Variants in RBFOX1 observed in about 807,000 individuals in gnomAD.
RBFOX1 encodes RNA binding protein fox-1 homolog 1.
Under a neutral mutation model 57.7 loss-of-function variants are expected in RBFOX1, and 8 were observed. That is an observed-to-expected ratio of 0.14 (90% confidence interval 0.08 to 0.25). The LOEUF (loss-of-function observed/expected upper bound fraction) is 0.25, where lower values mean the gene tolerates loss of function less well. Among genes scored for constraint, RBFOX1 ranks in the 10% least tolerant of loss-of-function variants. The pLI is 1.00. For synonymous variants in RBFOX1, 326 were observed against 222.4 expected (o/e 1.47, Z -4.15); for missense variants, 611 against 548.5 (o/e 1.11, Z -1.14).
intron 3 of RBFOX1, among the ~76,000 whole-genome samples, chr16:6,947,798 A>G (rs2079860180): frequency 6.6e-6 from 1 of 151,932 alleles, no homozygotes; most frequent in African/African-American, 2.4e-5. Flanking sequence ...TTTTTTGGAG[A>G]TGGAGTCTTG....
At chr16:6,972,248 C>G (rs571774048) in intron 3 of RBFOX1, among the ~76,000 whole-genome samples, 1 of 152,026 alleles carries the variant, frequency 6.6e-6, no homozygotes, top group Non-Finnish European at 1.5e-5. Context: ...CTGTAACTCC[C>G]CTTTCTCCCT....
chr16:6,685,047 G>T (rs1603409790), intron 3 of RBFOX1, among the ~76,000 whole-genome samples: 1 of 152,144 alleles, frequency 6.6e-6, no homozygotes, highest in Non-Finnish European at 1.5e-5. Context: ...GCTGCAGGAT[G>T]ACTGAAAATT....
At chr16:6,238,154 G>A (rs1314070706) in intron 1 of RBFOX1, among the ~76,000 whole-genome samples, 2 of 150,458 alleles carry the variant, frequency 1.3e-5, no homozygotes, top group African/African-American at 2.4e-5. Context: ...AATTAGAAAT[G>A]TCTGTGAAGT....
At chr16:7,115,127 C>T (rs1349071070) in intron 4 of RBFOX1, among the ~76,000 whole-genome samples, 1 of 152,136 alleles carries the variant, frequency 6.6e-6, no homozygotes, top group Admixed American at 6.5e-5. Context: ...GATTAAGTTT[C>T]CAACGTGTAG....
At chr16:6,848,297 G>T (rs540928718) in intron 3 of RBFOX1, among the ~76,000 whole-genome samples, 2 of 152,094 alleles carry the variant, frequency 1.3e-5, no homozygotes, top group Non-Finnish European at 2.9e-5. Context: ...GGTGGGCATA[G>T]TATGGCCAGG....
chr16:6,377,741 A>G (rs2091353270), intron 2 of RBFOX1, among the ~76,000 whole-genome samples: 1 of 152,212 alleles, frequency 6.6e-6, no homozygotes, highest in South Asian at 2.1e-4. Context: ...CTGTAATCAT[A>G]TAAAATGTTT....
chr16:5,979,410 G>T (rs1431434808), intron 4 of RBFOX1, among the ~76,000 whole-genome samples: 2 of 152,180 alleles, frequency 1.3e-5, no homozygotes, highest in African/African-American at 4.8e-5. Flanking sequence ...TTTATCTCAA[G>T]AGAGGAAACA....
chr16:6,866,576 C>T (rs577021304), intron 3 of RBFOX1, among the ~76,000 whole-genome samples: 1 of 80,730 alleles, frequency 1.2e-5, no homozygotes, highest in South Asian at 5.4e-4. Flanking sequence ...GAGTCTCGCT[C>T]TGTCCCCCAG....
intron 3 of RBFOX1, among the ~76,000 whole-genome samples, chr16:6,781,551 A>C (rs1217777931): frequency 1.3e-5 from 2 of 152,096 alleles, no homozygotes; most frequent in African/African-American, 2.4e-5. Flanking sequence ...GAAGCCATCA[A>C]GTCCTGGCCT....
At chr16:7,285,415 T>C (rs978487269) in intron 4 of RBFOX1, among the ~76,000 whole-genome samples, 6 of 151,776 alleles carry the variant, frequency 4.0e-5, no homozygotes, top group African/African-American at 1.5e-4. Flanking sequence ...TTTGCAGTGG[T>C]GGTAGTTTTA....
intron 14 of RBFOX1, among the ~76,000 whole-genome samples, chr16:7,679,849 A>ACTGGT (rs2074293948): frequency 6.6e-6 from 1 of 152,118 alleles, no homozygotes; most frequent in Non-Finnish European, 1.5e-5. Flanking sequence ...CCCAAAAGAA[A>ACTGGT]AATACCTGAC....
intron 4 of RBFOX1, among the ~76,000 whole-genome samples, chr16:5,922,094 G>A (rs903698898): frequency 6.6e-6 from 1 of 152,104 alleles, no homozygotes; most frequent in Non-Finnish European, 1.5e-5. Context: ...CCAGGAGGTC[G>A]AGGCTGCAGT....
rs886243151 is a variant in RBFOX1 at position 6,514,444 on chromosome 16, C to A, written c.-63-140159C>A. Among the ~76,000 whole-genome samples, 5 of 152,266 alleles carry A rather than the reference C, an allele frequency of 3.3e-5. No homozygotes were observed. The East Asian group carries it at 9.6e-4, about 29-fold the overall frequency. On this transcript the variant is annotated intron_variant, in intron 2 of 15. Coordinates refer to ENST00000550418, the MANE Select transcript of RBFOX1 (RefSeq NM_018723.4). The stretch of plus-strand genomic sequence containing the variant: ...CTCCTTTAAGTGCCAGGTTTAGTCC[C>A]CTGCTGAGATCACACTTACCTCAAC...
chr16:7,081,852 T>G (rs182418001), intron 4 of RBFOX1, among the ~76,000 whole-genome samples: 88 of 152,322 alleles, frequency 5.8e-4, no homozygotes, highest in South Asian at 8.3e-4. Flanking sequence ...CATCTTCCTG[T>G]TGAGGTCAGT....
chr16:6,263,054 A>G (rs2097710629), intron 1 of RBFOX1, among the ~76,000 whole-genome samples: 1 of 152,134 alleles, frequency 6.6e-6, no homozygotes, highest in Non-Finnish European at 1.5e-5. Context: ...CCAGGGAGAG[A>G]GCTGTAATGT....
chr16:7,479,155 G>C (rs889309648), intron 4 of RBFOX1, among the ~76,000 whole-genome samples: 6 of 150,920 alleles, frequency 4.0e-5, no homozygotes, highest in South Asian at 2.1e-4. Context: ...ACAGGGTCTC[G>C]GTCTGTTGCC....
At chr16:5,963,336 C>G (rs2059786480) in intron 4 of RBFOX1, among the ~76,000 whole-genome samples, 1 of 152,140 alleles carries the variant, frequency 6.6e-6, no homozygotes, top group Non-Finnish European at 1.5e-5. Flanking sequence ...TTGCCATTCT[C>G]TGGCTCAGAA....
chr16:6,814,838 G>A lies in RBFOX1; in HGVS notation c.-16+160188G>A, dbSNP rs550588338. Among the ~76,000 whole-genome samples the A allele has an allele frequency of 5.9e-5, 9 of 152,220 alleles. No homozygotes were observed. In the South Asian group the frequency reaches 1.9e-3, roughly 32 times the overall value. On this transcript the variant is annotated intron_variant, in intron 3 of 15. Transcript: ENST00000550418. Reference sequence around the variant, plus strand: ...GTCCTGTGAGTGTTTCTGGAAAGGGGTCCTGATCCAGACGCCAAGAGAGGG... The same window carrying A: ...GTCCTGTGAGTGTTTCTGGAAAGGGATCCTGATCCAGACGCCAAGAGAGGG...
intron 4 of RBFOX1, among the ~76,000 whole-genome samples, chr16:5,913,945 C>T (rs1409952694): frequency 2.6e-5 from 4 of 152,216 alleles, no homozygotes; most frequent in African/African-American, 4.8e-5. Flanking sequence ...CCTCTCATTC[C>T]GTCATGAGGA....
Sources: gnomAD v4.1 joint callset for allele counts (sites outside exome capture counted in the v4.1 genomes callset) on GRCh38, gnomAD v4.1.1 for gene constraint, MANE v1.5 for transcripts, NCBI Gene and HGNC (gene_info 2026-07-23, HGNC 2026-07-21) for gene names.